Variants in ITGAE observed in about 807,000 individuals in gnomAD.
ITGAE encodes integrin subunit alpha E.
In ITGAE, 99 loss-of-function variants were observed where a neutral mutation model predicts 136.5. The observed-to-expected ratio is 0.73, with a 90% CI of 0.62 to 0.86. The LOEUF (loss-of-function observed/expected upper bound fraction) is 0.86, where lower values mean the gene tolerates loss of function less well. Among genes scored for constraint, ITGAE ranks in the 40% least tolerant of loss-of-function variants. The pLI is 0.00. For synonymous variants in ITGAE, 613 were observed against 591.8 expected, an observed-to-expected ratio of 1.04 and a Z score of -0.52; for missense variants, 1,447 against 1,515.3, an observed-to-expected ratio of 0.95 and a Z score of 0.75.
At chr17:3,752,953 C>A (rs534484897) in intron 14 of ITGAE, among the ~76,000 whole-genome samples, 157 of 152,334 alleles carry the variant, frequency 1.0e-3, no homozygotes, top group Non-Finnish European at 1.8e-3. Context: ...TAGGCTGAGG[C>A]AGGAGAATTG....
At position 3,729,531 on chromosome 17, in the gene ITGAE, G is replaced by T; in HGVS notation, c.2859C>A (p.Ala953=). ...VTNSNERRSL[A]NETHTLQFRH... is the part of the protein sequence containing the mutation. ...TGAATTGAAGGGTGTGGGTCTCGTT[G>T]GCCAAAGACCGTCTTTCATTGGAAC... The change falls in exon 24 of 31, where the codon GCC becomes GCA. Residue 953 remains alanine (A), a synonymous_variant. Transcript: ENST00000263087. The T allele has an allele frequency of 6.2e-7, 1 of 1,609,384 alleles. No individual in the cohort carries two copies. Among genetic ancestry groups the T allele is most frequent in the Non-Finnish European group, 8.5e-7 (1 of 1,175,700 alleles).
Position 3,799,156 on chromosome 17 carries a change from C to G in ITGAE, c.34+1955G>C, listed in dbSNP as rs1454613503. Among the ~76,000 whole-genome samples the G allele has an allele frequency of 2.0e-5, 3 of 152,170 alleles. No homozygotes were observed. Among genetic ancestry groups the G allele is most frequent in the Admixed American group, 2.0e-4 (3 of 15,280 alleles). On this transcript the variant is annotated intron_variant, in intron 1 of 30. Transcript: ENST00000263087. This position sits in a 1 kb window ranked among gnomAD's most constrained non-coding sequence, Gnocchi z 4.1. ...TCTCCTGGACATTTTCTTTCTCAGACTCTCCTCAGCCCCCAAGACTCAACG... is the reference window on the plus strand; with the variant it reads ...TCTCCTGGACATTTTCTTTCTCAGAGTCTCCTCAGCCCCCAAGACTCAACG...
At chr17:3,761,360 T>A (rs762413337) in intron 5 of ITGAE, 43 bp downstream of exon 5, 2 of 1,558,310 alleles carry the variant, frequency 1.3e-6, no homozygotes, top group Non-Finnish European at 1.7e-6. Flanking sequence ...ACCAAGGAGA[T>A]CTCTTTAGAG....
intron 1 of ITGAE, among the ~76,000 whole-genome samples, chr17:3,787,844 C>T (rs777354706): frequency 5.3e-5 from 8 of 151,960 alleles, no homozygotes; most frequent in Non-Finnish European, 8.8e-5. Context: ...CCCGCCACCA[C>T]GCCCGGGTAA....
At chr17:3,746,651 C>T (rs866232086) in intron 17 of ITGAE, among the ~76,000 whole-genome samples, 4 of 151,728 alleles carry the variant, frequency 2.6e-5, no homozygotes, top group African/African-American at 9.7e-5. Context: ...GTGGAGACGG[C>T]GTTTCACCAT....
rs1176261193 is a variant in ITGAE at position 3,750,813 on chromosome 17, G to A, written c.1894-331C>T. ...GAGGCTTGATGTGGGGCTTGGGGAT[G>A]GGGGGTGTCAACAAAGGTTCTGTTG... On this transcript the variant is annotated intron_variant, in intron 15 of 30. Transcript: ENST00000263087. Among the ~76,000 whole-genome samples, 10 of 152,192 alleles carry A rather than the reference G, an allele frequency of 6.6e-5. No individual in the cohort carries two copies. The South Asian group carries it at 2.1e-3, about 32-fold the overall frequency.
chr17:3,753,557 A>C (rs2051924488), intron 13 of ITGAE, 127 bp from the exon 14 acceptor site: 2 of 1,255,288 alleles, frequency 1.6e-6, no homozygotes, highest in Non-Finnish European at 2.2e-6. Flanking sequence ...TTGCTCACTG[A>C]GAGTAACAGA....
chr17:3,761,304 C>T, intron 5 of ITGAE, 99 bp downstream of exon 5: 1 of 1,542,708 alleles, frequency 6.5e-7, no homozygotes, highest in Non-Finnish European at 8.7e-7. Context: ...CCACTGTGGG[C>T]CTGCGTCCCA....
intron 7 of ITGAE, 72 bp downstream of exon 7, chr17:3,760,097 TGTG>T (rs1160393547): frequency 4.0e-5 from 34 of 854,496 alleles, no homozygotes; most frequent in Middle Eastern, 4.4e-4. Context: ...TGTGAGCAAA[TGTG>T]GTGATTGTTG....
At chr17:3,743,650 T>C (rs1210225237) in intron 18 of ITGAE, 33 bp from the exon 19 acceptor site, 2 of 1,590,266 alleles carry the variant, frequency 1.3e-6, no homozygotes, top group Non-Finnish European at 8.5e-7. Flanking sequence ...AGGGTTAGAG[T>C]TGGATGTGGG....
chr17:3,777,439 C>T (rs1597359408), intron 2 of ITGAE, 101 bp downstream of exon 2: 18 of 1,422,662 alleles, frequency 1.3e-5, no homozygotes, highest in East Asian at 9.3e-5. Flanking sequence ...CCTCTCCTGA[C>T]GGTGGGGTGG....
At chr17:3,748,101 G>T in intron 16 of ITGAE, 49 bp from the exon 17 acceptor site, 1 of 1,581,482 alleles carries the variant, frequency 6.3e-7, no homozygotes, top group South Asian at 1.1e-5. Flanking sequence ...TCAGCCTCTG[G>T]GTCAGGGCCT....
In ITGAE at chr17:3,755,205, G is replaced by C. The variant is rs760523237; in HGVS notation, c.1296C>G (p.Leu432=). ...GAFDWSGGAL[L]YDTRSRRGRF... is the part of the protein sequence containing the mutation. ...GGCCCCGGCGGCTGCGTGTGTCGTA[G>C]AGCAACGCCCCTCCGGACCAGTCAA... Residue 432 remains leucine (L), a synonymous_variant, in exon 12 of 31, where the codon CTC becomes CTG. Transcript: ENST00000263087. 1.6e-5 allele frequency: 25 copies of C among 1,567,952 alleles called. No individual in the cohort carries two copies. Among genetic ancestry groups the C allele is most frequent in the Non-Finnish European group, 2.1e-5 (24 of 1,160,618 alleles).
At chr17:3,786,736 A>AAAAATTAGCTGGGCCTTAAGC (rs2052806845) in intron 1 of ITGAE, among the ~76,000 whole-genome samples, 1 of 151,958 alleles carries the variant, frequency 6.6e-6, no homozygotes. Context: ...CTAAAAATGC[A>AAAAATTAGCTGGGCCTTAAGC]AAAATTAGCT....
intron 23 of ITGAE, chr17:3,730,334 A>C (rs550113496): frequency 6.6e-6 from 1 of 152,342 alleles, no homozygotes; most frequent in East Asian, 1.9e-4. Flanking sequence ...GGCGCCTGTA[A>C]TCCCAGCTAC....
intron 26 of ITGAE, chr17:3,724,996 A>G (rs906127973): frequency 7.3e-5 from 118 of 1,613,982 alleles, no homozygotes; most frequent in Non-Finnish European, 1.0e-4. Context: ...CTCCATTCCC[A>G]CCGCTTTAAA....
intron 1 of ITGAE, among the ~76,000 whole-genome samples, chr17:3,787,695 T>TC (rs2052832801): frequency 6.6e-6 from 1 of 151,616 alleles, no homozygotes; most frequent in Non-Finnish European, 1.5e-5. Context: ...TTTCTCTTTT[T>TC]TTTTTTTTTT....
intron 24 of ITGAE, 95 bp from the exon 25 acceptor site, chr17:3,728,263 G>T: frequency 1.1e-6 from 1 of 929,768 alleles, no homozygotes; most frequent in Non-Finnish European, 1.8e-6. Flanking sequence ...GAGCACAGTG[G>T]AACAATCATG....
chr17:3,723,474 C>T, intron 27 of ITGAE, 91 bp from the exon 28 acceptor site: 1 of 1,077,642 alleles, frequency 9.3e-7, no homozygotes, highest in South Asian at 1.3e-5. Context: ...ATCGTAAGGT[C>T]CCAGAATAGA....
Sources: allele counts gnomAD v4.1 joint callset (sites outside exome capture counted in the v4.1 genomes callset), GRCh38; gene constraint gnomAD v4.1.1; non-coding constraint Gnocchi (gnomAD v3.1); transcripts MANE v1.5; gene names NCBI Gene and HGNC (gene_info 2026-07-23, HGNC 2026-07-21).